Variants in DCC observed in about 807,000 individuals in gnomAD.
DCC encodes DCC netrin 1 receptor.
A neutral mutation model predicts 172.5 loss-of-function variants in DCC; 58 were observed. The ratio of observed to expected loss-of-function variants is 0.34; its 90% CI spans 0.27 to 0.42. The LOEUF (loss-of-function observed/expected upper bound fraction) is 0.42, where lower values mean the gene tolerates loss of function less well. DCC is among the 10% of genes least tolerant of loss of function. The probability of loss-of-function intolerance (pLI) is 1.00; values close to 1 mark genes in which losing one functional copy is unlikely to be tolerated. For missense variants in DCC, 1,740 were observed against 1,791.0 expected (o/e 0.97, Z 0.51); for synonymous variants, 709 against 644.5 (o/e 1.10, Z -1.52).
intron 5 of DCC, among the ~76,000 whole-genome samples, chr18:52,958,016 C>G (rs2040774886): frequency 6.6e-6 from 1 of 152,086 alleles, no homozygotes; most frequent in Admixed American, 6.6e-5. Flanking sequence ...ATTCAAGATA[C>G]TATAATCTCC....
intron 12 of DCC, among the ~76,000 whole-genome samples, chr18:53,296,163 A>G (rs909091016): frequency 1.3e-5 from 2 of 152,114 alleles, no homozygotes; most frequent in Non-Finnish European, 2.9e-5. Context: ...TATTCTTGGC[A>G]TTGCTACTGT....
At chr18:52,507,024 C>G (rs560817427) in intron 1 of DCC, among the ~76,000 whole-genome samples, 1 of 151,746 alleles carries the variant, frequency 6.6e-6, no homozygotes, top group African/African-American at 2.4e-5. Context: ...TGGAATGAAT[C>G]CAAAGATGAT....
At chr18:52,937,608 C>G (rs1261293998) in intron 5 of DCC, among the ~76,000 whole-genome samples, 1 of 152,056 alleles carries the variant, frequency 6.6e-6, no homozygotes, top group African/African-American at 2.4e-5. Context: ...CTCAGTCTCT[C>G]AAGTATCTGG....
intron 1 of DCC, among the ~76,000 whole-genome samples, chr18:52,692,726 C>A (rs981621728): frequency 1.3e-5 from 2 of 152,150 alleles, no homozygotes; most frequent in Non-Finnish European, 2.9e-5. Context: ...GCCACCACAC[C>A]TGGCCAGCTT....
intron 1 of DCC, among the ~76,000 whole-genome samples, chr18:52,538,419 T>C (rs1414556369): frequency 6.6e-6 from 1 of 152,188 alleles, no homozygotes; most frequent in East Asian, 1.9e-4. Context: ...TACACACACA[T>C]AACCACACAA....
chr18:52,889,825 T>C (rs2039622876), intron 2 of DCC, among the ~76,000 whole-genome samples: 1 of 152,148 alleles, frequency 6.6e-6, no homozygotes, highest in African/African-American at 2.4e-5. Context: ...TAAGATGAAG[T>C]CATTCAATTG....
chr18:53,389,059 C>T (rs931331127), intron 16 of DCC, among the ~76,000 whole-genome samples: 2 of 152,190 alleles, frequency 1.3e-5, no homozygotes, highest in African/African-American at 4.8e-5. Flanking sequence ...GCTGGGTTTA[C>T]AGGTGTGAGT....
chr18:53,431,786 C>CAT (rs1911637400), intron 21 of DCC, among the ~76,000 whole-genome samples: 1 of 152,064 alleles, frequency 6.6e-6, no homozygotes, highest in Non-Finnish European at 1.5e-5. Context: ...ACCTGGCCTT[C>CAT]ATATAGTACA....
chr18:52,484,199 C>G (rs1232093877), intron 1 of DCC, among the ~76,000 whole-genome samples: 1 of 152,116 alleles, frequency 6.6e-6, no homozygotes, highest in African/African-American at 2.4e-5. Flanking sequence ...TCTATTTTCA[C>G]CATCCTGCTC....
At chr18:52,452,362 T>A (rs766909518) in intron 1 of DCC, among the ~76,000 whole-genome samples, 1 of 152,256 alleles carries the variant, frequency 6.6e-6, no homozygotes, top group Non-Finnish European at 1.5e-5. Flanking sequence ...TTATGCATTA[T>A]GTGTCTTTTT....
chr18:52,781,207 G>A (rs756084620), intron 2 of DCC, among the ~76,000 whole-genome samples: 2 of 152,088 alleles, frequency 1.3e-5, no homozygotes, highest in Non-Finnish European at 2.9e-5. Flanking sequence ...TGGTTTCATT[G>A]TGTTGCATTC....
chr18:53,114,415 G>A (rs1300068711), intron 7 of DCC, among the ~76,000 whole-genome samples: 2 of 151,584 alleles, frequency 1.3e-5, no homozygotes, highest in African/African-American at 4.8e-5. Context: ...CATATTTTAA[G>A]AGAAATCACA....
chr18:53,208,992 T>C (rs1419500694), intron 11 of DCC, among the ~76,000 whole-genome samples: 1 of 152,128 alleles, frequency 6.6e-6, no homozygotes, highest in Non-Finnish European at 1.5e-5. Context: ...TGGCCTCACA[T>C]AGTGCTGGGA....
intron 5 of DCC, among the ~76,000 whole-genome samples, chr18:53,008,362 C>G (rs1221219289): frequency 2.0e-5 from 3 of 151,990 alleles, no homozygotes; most frequent in East Asian, 3.9e-4. Context: ...TAATTTGCTT[C>G]CATGGAAGTG....
intron 1 of DCC, among the ~76,000 whole-genome samples, chr18:52,444,712 AT>A (rs933460773): frequency 2.0e-5 from 3 of 151,704 alleles, no homozygotes; most frequent in Admixed American, 6.6e-5. Flanking sequence ...TAGAAATCTA[AT>A]TTTTTTTTCT....
chr18:53,361,742 G>A (rs1267979857), intron 15 of DCC, among the ~76,000 whole-genome samples: 1 of 152,080 alleles, frequency 6.6e-6, no homozygotes, highest in African/African-American at 2.4e-5. Context: ...GAAAGAAGCA[G>A]AAAATAAATG....
chr18:53,063,931 C>G (rs1396251903), intron 6 of DCC, among the ~76,000 whole-genome samples: 4 of 152,040 alleles, frequency 2.6e-5, no homozygotes, highest in African/African-American at 9.7e-5. Flanking sequence ...CCTGTAGGAC[C>G]AGCTTATCCT....
intron 1 of DCC, among the ~76,000 whole-genome samples, chr18:52,426,021 T>C (rs1251980194): frequency 6.6e-6 from 1 of 152,058 alleles, no homozygotes; most frequent in Non-Finnish European, 1.5e-5. Flanking sequence ...CTCAGTGAGG[T>C]TCTTCAACTC....
Position 52,591,786 on chromosome 18 carries a change from T to TA in DCC, c.92-160268_92-160267insA, listed in dbSNP as rs1568244826. ...TTTTGTTTTTCTTTCTTTATTTATT[T>TA]CTTTTTTTTTTTTTTTTCGGTAGTA... On this transcript the variant is annotated intron_variant, in intron 1 of 28. Coordinates refer to ENST00000442544, the MANE Select transcript of DCC (RefSeq NM_005215.4). Among the ~76,000 whole-genome samples the TA allele has an allele frequency of 1.3e-3, 176 of 137,476 alleles. 1 individual carries two copies. Among genetic ancestry groups the TA allele is most frequent in the African/African-American group, 4.4e-3 (165 of 37,868 alleles). The allele number at this position is 137,476 out of a possible 152,430, so 90.2% of individuals were successfully genotyped here.
Sources: allele counts gnomAD v4.1 joint callset (sites outside exome capture counted in the v4.1 genomes callset), GRCh38; gene constraint gnomAD v4.1.1; transcripts MANE v1.5; gene names NCBI Gene and HGNC (gene_info 2026-07-23, HGNC 2026-07-21).